The following AXDND1 variants were observed in gnomAD, a reference collection of about 807,000 sequenced individuals.
AXDND1 encodes axonemal dynein light chain domain-containing protein 1.
In AXDND1, 110 loss-of-function variants were observed where a neutral mutation model predicts 137.5. The observed-to-expected ratio is 0.80, with a 90% CI of 0.69 to 0.94. AXDND1 has a LOEUF of 0.94. Ranked by LOEUF, AXDND1 falls within the 40% of genes least tolerant of loss-of-function variation. AXDND1 has a pLI of 0.00. For synonymous variants in AXDND1, 414 were observed against 399.7 expected (o/e 1.04, Z -0.43); for missense variants, 1,191 against 1,169.8 (o/e 1.02, Z -0.26).
At chr1:179,483,460 G>A (rs968886665) in intron 18 of AXDND1, among the ~76,000 whole-genome samples, 5 of 152,170 alleles carry the variant, frequency 3.3e-5, no homozygotes, top group East Asian at 1.9e-4. Context: ...CTGGTAGTAC[G>A]GATTCAGGCA....
chr1:179,521,640 C>T (rs1013943256), intron 21 of AXDND1, among the ~76,000 whole-genome samples: 11 of 152,020 alleles, frequency 7.2e-5, no homozygotes, highest in African/African-American at 2.7e-4. Context: ...CTCAGATATC[C>T]ACCTTGGGTC....
intron 25 of AXDND1, among the ~76,000 whole-genome samples, chr1:179,542,978 C>G (rs561512104): frequency 2.0e-5 from 3 of 152,306 alleles, no homozygotes; most frequent in African/African-American, 7.2e-5. Context: ...TAAACAGAGT[C>G]TCCAGAAAAT....
At chr1:179,420,165 T>A (rs1420619919) in intron 12 of AXDND1, among the ~76,000 whole-genome samples, 1 of 152,264 alleles carries the variant, frequency 6.6e-6, no homozygotes, top group African/African-American at 2.4e-5. Flanking sequence ...ATGTTGAATG[T>A]TATCAAGTGC....
At chr1:179,521,694 T>C (rs532511368) in intron 21 of AXDND1, among the ~76,000 whole-genome samples, 1 of 152,106 alleles carries the variant, frequency 6.6e-6, no homozygotes, top group African/African-American at 2.4e-5. Context: ...TTAGTGAAGA[T>C]ATCCTGGTGG....
intron 15 of AXDND1, among the ~76,000 whole-genome samples, chr1:179,432,973 A>T (rs1657609612): frequency 6.6e-6 from 1 of 152,234 alleles, no homozygotes; most frequent in African/African-American, 2.4e-5. Context: ...GACTTTAAAA[A>T]ATATGCTTAA....
chr1:179,396,784 A>AATGTATAATT (rs1324803950), intron 11 of AXDND1, among the ~76,000 whole-genome samples: 1 of 152,200 alleles, frequency 6.6e-6, no homozygotes, highest in African/African-American at 2.4e-5. Context: ...TTTATGTATT[A>AATGTATAATT]ATGTATAATT....
intron 25 of AXDND1, 133 bp downstream of exon 25, chr1:179,535,095 T>C: frequency 7.3e-7 from 1 of 1,362,672 alleles, no homozygotes; most frequent in Non-Finnish European, 1.0e-6. Context: ...CATAGGAATG[T>C]GCATATTTTA....
chr1:179,537,513 T>C (rs1671670465), intron 25 of AXDND1, among the ~76,000 whole-genome samples: 1 of 152,370 alleles, frequency 6.6e-6, no homozygotes, highest in East Asian at 1.9e-4. Context: ...TTGCATATGC[T>C]GAACCAGCCT....
intron 20 of AXDND1, among the ~76,000 whole-genome samples, chr1:179,499,460 C>T (rs1377311377): frequency 6.6e-6 from 1 of 152,068 alleles, no homozygotes; most frequent in Non-Finnish European, 1.5e-5. Context: ...AGATTAGTGG[C>T]TGCCTGGAGC....
chr1:179,504,485 A>C (rs958249920), intron 20 of AXDND1, among the ~76,000 whole-genome samples: 1 of 152,214 alleles, frequency 6.6e-6, no homozygotes, highest in Non-Finnish European at 1.5e-5. Flanking sequence ...AGATAAAGGT[A>C]ATCTGGAATG....
At chr1:179,490,200 A>G (rs548041050) in intron 18 of AXDND1, among the ~76,000 whole-genome samples, 44 of 152,302 alleles carry the variant, frequency 2.9e-4, no homozygotes, top group Non-Finnish European at 6.3e-4. Context: ...ACTATAACAG[A>G]GATATATACA....
At chr1:179,419,644 A>AGAGGGG (rs71111994) in intron 12 of AXDND1, among the ~76,000 whole-genome samples, 2 of 73,010 alleles carry the variant, frequency 2.7e-5, no homozygotes, top group African/African-American at 1.1e-4. Context: ...AGGGAGAGGG[A>AGAGGGG]GAGGGGGAGG....
intron 14 of AXDND1, among the ~76,000 whole-genome samples, chr1:179,431,516 T>A (rs1474895286): frequency 2.0e-5 from 3 of 152,080 alleles, no homozygotes; most frequent in Admixed American, 6.6e-5. Context: ...TTTTTAACTT[T>A]AAGATGCTTT....
Position 179,414,452 on chromosome 1 carries a change from TCTCG to T in AXDND1, c.1230+3190_1230+3193del, listed in dbSNP as rs532493416. Among the ~76,000 whole-genome samples, 74 of 148,192 alleles carry T rather than the reference TCTCG, an allele frequency of 5.0e-4. 1 individual carries two copies. The South Asian group carries it at 0.015, about 31-fold the overall frequency. On this transcript the variant is annotated intron_variant, in intron 12 of 25. Transcript: ENST00000367618. ...ATTTATTTATTTTTTTGAGATGGAG[TCTCG>T]CTCTTTCACCCATGCTGGAGTGCAG... is the stretch of plus-strand genomic sequence containing the variant.
intron 24 of AXDND1, 195 bp from the exon 25 acceptor site, chr1:179,534,535 T>A (rs2125708206): frequency 5.6e-6 from 3 of 534,450 alleles, no homozygotes; most frequent in Non-Finnish European, 9.2e-6. Context: ...GCAGCATGAT[T>A]TCTACTCTGA....
intron 12 of AXDND1, among the ~76,000 whole-genome samples, chr1:179,417,438 A>AGT (rs1654875931): frequency 6.6e-6 from 1 of 152,096 alleles, no homozygotes; most frequent in South Asian, 2.1e-4. Flanking sequence ...AATGTCCTAG[A>AGT]GTGTTTCCCC....
At chr1:179,484,260 G>T (rs1665767035) in intron 18 of AXDND1, among the ~76,000 whole-genome samples, 1 of 152,194 alleles carries the variant, frequency 6.6e-6, no homozygotes, top group African/African-American at 2.4e-5. Flanking sequence ...GGTACTCCCA[G>T]CTAGTGTGGA....
chr1:179,432,127 G>T (rs1449605932), intron 14 of AXDND1, 140 bp from the exon 15 acceptor site: 4 of 1,073,696 alleles, frequency 3.7e-6, no homozygotes, highest in Non-Finnish European at 5.1e-6. Context: ...TACCTGTGGG[G>T]AGAGGGGCTG....
At position 179,400,670 on chromosome 1, in the gene AXDND1, A is replaced by G. The variant is rs543653477; in HGVS notation, c.1109+5468A>G. ...TGTAATCCCAGCACTCTGGGAGGCC[A>G]AGGTGGGCAGATCACGAGGTCAGGA... On this transcript the variant is annotated intron_variant, in intron 11 of 25. Transcript: ENST00000367618. 4.0e-3 allele frequency among the ~76,000 whole-genome samples: 601 copies of G among 150,584 alleles called. 2 individuals are homozygous for G. The highest frequency in any genetic ancestry group is 0.014 in the African/African-American group (564 of 41,062).
Sources: gnomAD v4.1 joint callset for allele counts (sites outside exome capture counted in the v4.1 genomes callset) on GRCh38, gnomAD v4.1.1 for gene constraint, MANE v1.5 for transcripts, NCBI Gene and HGNC (gene_info 2026-07-23, HGNC 2026-07-21) for gene names.